TSPAN7: variants seen among roughly 807,000 people sequenced by gnomAD.
The protein encoded by TSPAN7 is tetraspanin-7.
Under a neutral mutation model 17.6 loss-of-function variants are expected in TSPAN7, and 1 was observed. The observed-to-expected ratio is 0.06, with a 90% confidence interval of 0.02 to 0.27. The LOEUF (loss-of-function observed/expected upper bound fraction) is 0.27. Ranked by LOEUF, TSPAN7 falls within the 10% of genes least tolerant of loss-of-function variation. The pLI is 1.00. For missense variants in TSPAN7, 112 were observed against 201.7 expected (o/e 0.56, Z 2.69); for synonymous variants, 78 against 79.0 (o/e 0.99, Z 0.07).
chrX:38,594,870 G>A (rs1257972599), intron 1 of TSPAN7, among the ~76,000 whole-genome samples: 1 of 111,335 alleles, frequency 9.0e-6, no homozygotes, highest in Non-Finnish European at 1.9e-5. Flanking sequence ...GGGTGGCGGT[G>A]AGGACACTTA....
chrX:38,590,793 G>A (rs2069286752), intron 1 of TSPAN7, among the ~76,000 whole-genome samples: 1 of 111,244 alleles, frequency 9.0e-6, no homozygotes, highest in Admixed American at 9.5e-5. Flanking sequence ...TTTCATTTTT[G>A]TATTTTGTAT....
intron 1 of TSPAN7, among the ~76,000 whole-genome samples, chrX:38,585,765 T>C (rs1344084606): frequency 9.0e-6 from 1 of 111,493 alleles, no homozygotes; most frequent in Non-Finnish European, 1.9e-5. Context: ...GTTCTTGCTC[T>C]GTTAGGTTCC....
intron 1 of TSPAN7, among the ~76,000 whole-genome samples, chrX:38,585,911 A>G (rs1314852689): frequency 8.9e-6 from 1 of 112,940 alleles, no homozygotes; most frequent in Non-Finnish European, 1.9e-5. Flanking sequence ...GTCCCTCACC[A>G]GAAGCAGATG....
intron 1 of TSPAN7, among the ~76,000 whole-genome samples, chrX:38,657,418 T>C (rs2069710957): frequency 8.9e-6 from 1 of 111,840 alleles, no homozygotes; most frequent in African/African-American, 3.3e-5. Context: ...TTTTTACCAC[T>C]TCATGGGCCC....
intron 2 of TSPAN7, among the ~76,000 whole-genome samples, chrX:38,668,091 G>A (rs965045532): frequency 8.9e-6 from 1 of 112,160 alleles, no homozygotes; most frequent in Non-Finnish European, 1.9e-5. Flanking sequence ...CAAACAAGAA[G>A]GGAAGTGATG....
In TSPAN7 at chrX:38,608,013, G is replaced by A. The variant is rs550276193; in HGVS notation, c.81+46386G>A. Among the ~76,000 whole-genome samples the A allele has an allele frequency of 2.2e-4, 24 of 110,955 alleles. No homozygotes were observed. In the South Asian group the frequency reaches 9.3e-3, roughly 43 times the overall value. ...TCTTTCCTGATTCAGCCTGGTCCCTGGTAGGGAAGGACCCCAGCCTTTAGG... is the reference window on the plus strand; with the variant it reads ...TCTTTCCTGATTCAGCCTGGTCCCTAGTAGGGAAGGACCCCAGCCTTTAGG... On this transcript the variant is annotated intron_variant, in intron 1 of 7. Transcript: ENST00000378482.
At chrX:38,607,892 A>G (rs2069392951) in intron 1 of TSPAN7, among the ~76,000 whole-genome samples, 1 of 109,691 alleles carries the variant, frequency 9.1e-6, no homozygotes, top group South Asian at 3.9e-4. Context: ...GGGAAAGAGA[A>G]GAAACAATTC....
At chrX:38,652,598 C>G (rs767763252) in intron 1 of TSPAN7, among the ~76,000 whole-genome samples, 2 of 112,479 alleles carry the variant, frequency 1.8e-5, no homozygotes, top group African/African-American at 3.2e-5. Context: ...AACATGGTTT[C>G]TCAAAGAAAA....
rs187867621 is a variant in TSPAN7 at position 38,647,610 on chromosome X, G to A, written c.82-18511G>A. 4.3e-3 allele frequency among the ~76,000 whole-genome samples: 487 copies of A among 112,293 alleles called. 1 individual carries two copies. Among genetic ancestry groups the A allele is most frequent in the Middle Eastern group, 0.014 (3 of 219 alleles). Reference sequence around the variant, plus strand: ...CTCAATTGTTTGCATGCTATTAAGAGGACAAGATGGACATTTGTGAAGTTT... The same window carrying A: ...CTCAATTGTTTGCATGCTATTAAGAAGACAAGATGGACATTTGTGAAGTTT... On this transcript the variant is annotated intron_variant, in intron 1 of 7. Coordinates refer to ENST00000378482, the MANE Select transcript of TSPAN7 (RefSeq NM_004615.4).
chrX:38,628,743 C>T (rs2069535407), intron 1 of TSPAN7, among the ~76,000 whole-genome samples: 1 of 111,910 alleles, frequency 8.9e-6, no homozygotes, highest in Admixed American at 9.5e-5. Context: ...AATTTATTTA[C>T]TTGATTCTCA....
intron 1 of TSPAN7, among the ~76,000 whole-genome samples, chrX:38,602,732 C>A (rs2069353056): frequency 9.0e-6 from 1 of 111,208 alleles, no homozygotes; most frequent in Non-Finnish European, 1.9e-5. Context: ...AGAAAACGGG[C>A]AGGGAAGGTC....
At chrX:38,669,440 T>C (rs148063220) in intron 2 of TSPAN7, among the ~76,000 whole-genome samples, 145 of 111,970 alleles carry the variant, frequency 1.3e-3, no homozygotes, top group African/African-American at 4.3e-3. Context: ...TGAACCCTTG[T>C]ATGTTTCCTT....
chrX:38,642,827 A>G (rs989482867), intron 1 of TSPAN7, among the ~76,000 whole-genome samples: 7 of 110,767 alleles, frequency 6.3e-5, no homozygotes, highest in African/African-American at 2.3e-4. Flanking sequence ...TCATCTGTAA[A>G]ATGGGGAGTA....
intron 1 of TSPAN7, among the ~76,000 whole-genome samples, chrX:38,577,887 C>T (rs886282773): frequency 5.5e-5 from 6 of 109,797 alleles, no homozygotes; most frequent in South Asian, 8.2e-4. Flanking sequence ...GACATGTGAG[C>T]GGTGAACAGC....
chrX:38,655,420 T>C (rs188367198), intron 1 of TSPAN7, among the ~76,000 whole-genome samples: 7 of 111,538 alleles, frequency 6.3e-5, no homozygotes, highest in African/African-American at 1.6e-4. Flanking sequence ...CAGTACCATA[T>C]ATATATATGC....
At chrX:38,596,952 TGAA>T (rs1000220556) in intron 1 of TSPAN7, among the ~76,000 whole-genome samples, 9 of 111,457 alleles carry the variant, frequency 8.1e-5, no homozygotes, top group African/African-American at 2.9e-4. Context: ...CATCTTGATA[TGAA>T]GTCTGAGAGA....
chrX:38,568,088 T>C (rs1041655644), intron 1 of TSPAN7, among the ~76,000 whole-genome samples: 4 of 112,049 alleles, frequency 3.6e-5, no homozygotes, highest in Non-Finnish European at 5.6e-5. Flanking sequence ...ACTCAGTCTG[T>C]TCAAACACTT....
At chrX:38,662,863 C>G (rs1429098586) in intron 1 of TSPAN7, among the ~76,000 whole-genome samples, 1 of 109,765 alleles carries the variant, frequency 9.1e-6, no homozygotes, top group Non-Finnish European at 1.9e-5. Flanking sequence ...ACCCAGTTTC[C>G]ACGTTATTGA....
At chrX:38,596,094 T>C (rs1254685545) in intron 1 of TSPAN7, among the ~76,000 whole-genome samples, 2 of 111,658 alleles carry the variant, frequency 1.8e-5, no homozygotes, top group African/African-American at 6.5e-5. Flanking sequence ...CTTTGATGTA[T>C]TCTGTGTATC....
Sources: gnomAD v4.1 joint callset for allele counts (sites outside exome capture counted in the v4.1 genomes callset) on GRCh38, gnomAD v4.1.1 for gene constraint, MANE v1.5 for transcripts, NCBI Gene and HGNC (gene_info 2026-07-23, HGNC 2026-07-21) for gene names.